Variants in ADCY2 observed in about 807,000 individuals in gnomAD.
The protein encoded by ADCY2 is adenylate cyclase 2, also known as adenylate cyclase type 2.
In ADCY2, 31 loss-of-function variants were observed where a neutral mutation model predicts 125.2. The observed-to-expected ratio is 0.25, with a 90% confidence interval of 0.19 to 0.33. ADCY2 has a LOEUF of 0.33. Ranked by LOEUF, ADCY2 falls within the 10% of genes least tolerant of loss-of-function variation. The pLI is 1.00. For missense variants in ADCY2, 904 were observed against 1,418.2 expected, an observed-to-expected ratio of 0.64 and a Z score of 5.82; for synonymous variants, 512 against 548.4, an observed-to-expected ratio of 0.93 and a Z score of 0.93.
intron 4 of ADCY2, among the ~76,000 whole-genome samples, chr5:7,686,128 G>C (rs1450953422): frequency 1.3e-5 from 2 of 152,126 alleles, no homozygotes; most frequent in Non-Finnish European, 2.9e-5. Flanking sequence ...TTACATGCAT[G>C]GTTTATTGAA....
At chr5:7,734,201 A>G (rs1387739436) in intron 14 of ADCY2, among the ~76,000 whole-genome samples, 1 of 152,242 alleles carries the variant, frequency 6.6e-6, no homozygotes, top group Admixed American at 6.5e-5. Context: ...GAAGTCAACC[A>G]GGAAAGAGTC....
At chr5:7,793,264 T>G (rs1300448563) in intron 20 of ADCY2, among the ~76,000 whole-genome samples, 2 of 152,104 alleles carry the variant, frequency 1.3e-5, no homozygotes, top group African/African-American at 4.8e-5. Context: ...CTGGCCAACA[T>G]AGTGAAACCC....
At chr5:7,513,588 T>G (rs543695745) in intron 2 of ADCY2, among the ~76,000 whole-genome samples, 1 of 152,346 alleles carries the variant, frequency 6.6e-6, no homozygotes, top group East Asian at 1.9e-4. Context: ...AAAACATTAC[T>G]TTGAACTTAG....
chr5:7,664,581 A>G (rs1739650501), intron 4 of ADCY2, among the ~76,000 whole-genome samples: 1 of 152,226 alleles, frequency 6.6e-6, no homozygotes, highest in Non-Finnish European at 1.5e-5. Context: ...GACCCTGTAT[A>G]TCATGACTTA....
At chr5:7,570,829 T>C (rs2126600212) in intron 3 of ADCY2, among the ~76,000 whole-genome samples, 1 of 152,286 alleles carries the variant, frequency 6.6e-6, no homozygotes, top group South Asian at 2.1e-4. Context: ...TCTGATGCTA[T>C]TTATTTGTGT....
intron 2 of ADCY2, among the ~76,000 whole-genome samples, chr5:7,505,249 A>G (rs1157206725): frequency 2.0e-5 from 3 of 152,220 alleles, no homozygotes; most frequent in Non-Finnish European, 4.4e-5. Context: ...TCATGATAGC[A>G]GTGATTGAAT....
chr5:7,649,842 T>C (rs1267221622), intron 4 of ADCY2, among the ~76,000 whole-genome samples: 1 of 152,052 alleles, frequency 6.6e-6, no homozygotes, highest in African/African-American at 2.4e-5. Flanking sequence ...TTCCCCCTCT[T>C]TACCCCTCTA....
intron 3 of ADCY2, among the ~76,000 whole-genome samples, chr5:7,587,573 G>A (rs774384241): frequency 1.3e-5 from 2 of 152,266 alleles, no homozygotes; most frequent in Middle Eastern, 3.4e-3. Flanking sequence ...GAACAGGTGG[G>A]ATTTATCTTT....
intron 2 of ADCY2, among the ~76,000 whole-genome samples, chr5:7,480,122 G>T (rs1209153626): frequency 6.6e-6 from 1 of 152,126 alleles, no homozygotes; most frequent in Non-Finnish European, 1.5e-5. Context: ...AACAGATGCT[G>T]GCAAGTTTAC....
In ADCY2 at chr5:7,828,946, G is replaced by A. The variant is rs371565415; in HGVS notation, c.*2075G>A. ...AACAGAGTCCCTCCCATTCCCCCAC[G>A]GGGTGCACCGAACTTGGGTTTGCGC... On this transcript the variant is annotated 3_prime_UTR_variant, in exon 25 of 25. Transcript: ENST00000338316. The A allele has an allele frequency of 1.2e-4, 19 of 152,264 alleles. No individual in the cohort carries two copies. The highest frequency in any genetic ancestry group is 3.9e-4 in the African/African-American group (16 of 41,414). The allele number at this position is 152,264 out of a possible 1,614,324, so 9.4% of individuals were successfully genotyped here.
intron 16 of ADCY2, among the ~76,000 whole-genome samples, chr5:7,762,567 C>T (rs1334105360): frequency 6.6e-6 from 1 of 152,328 alleles, no homozygotes; most frequent in South Asian, 2.1e-4. Context: ...GTCAGGAAGG[C>T]GACACCTTCT....
intron 3 of ADCY2, among the ~76,000 whole-genome samples, chr5:7,531,765 C>T (rs1734652821): frequency 6.6e-6 from 1 of 152,206 alleles, no homozygotes; most frequent in Admixed American, 6.5e-5. Context: ...CACTCTAAAT[C>T]CAAGATGATC....
chr5:7,771,918 T>G (rs1743567582), intron 17 of ADCY2, among the ~76,000 whole-genome samples: 1 of 152,212 alleles, frequency 6.6e-6, no homozygotes, highest in Non-Finnish European at 1.5e-5. Flanking sequence ...GTCTCTGTTC[T>G]AGGAATGCTG....
At chr5:7,666,430 G>T (rs1206026698) in intron 4 of ADCY2, among the ~76,000 whole-genome samples, 3 of 151,652 alleles carry the variant, frequency 2.0e-5, no homozygotes, top group African/African-American at 7.3e-5. Context: ...CACCACGCCC[G>T]GCTAATTTTT....
intron 10 of ADCY2, among the ~76,000 whole-genome samples, chr5:7,710,343 T>C (rs1001658621): frequency 5.9e-5 from 9 of 152,186 alleles, no homozygotes; most frequent in African/African-American, 1.9e-4. Flanking sequence ...ATCCGTAAGA[T>C]TGCACAAGTC....
At chr5:7,684,131 C>T (rs1311114148) in intron 4 of ADCY2, among the ~76,000 whole-genome samples, 1 of 152,224 alleles carries the variant, frequency 6.6e-6, no homozygotes, top group East Asian at 1.9e-4. Context: ...TCAGACTTGG[C>T]TCCCCTGTGG....
chr5:7,409,322 C>T (rs188354478), intron 1 of ADCY2, among the ~76,000 whole-genome samples: 26 of 152,290 alleles, frequency 1.7e-4, no homozygotes, highest in Middle Eastern at 6.8e-3. Context: ...ATCTGTACAA[C>T]AAACCCCCAG....
chr5:7,444,384 T>G (rs561973861), intron 2 of ADCY2, among the ~76,000 whole-genome samples: 167 of 152,090 alleles, frequency 1.1e-3, no homozygotes, highest in Non-Finnish European at 1.8e-3. Context: ...CAAAGTGCTG[T>G]GATTACAGGT....
intron 2 of ADCY2, among the ~76,000 whole-genome samples, chr5:7,440,830 T>G (rs2126398511): frequency 6.6e-6 from 1 of 152,230 alleles, no homozygotes; most frequent in Admixed American, 6.5e-5. Flanking sequence ...AAGAGCAGTG[T>G]GGCCCAAGAG....
Sources: allele counts gnomAD v4.1 joint callset (sites outside exome capture counted in the v4.1 genomes callset), GRCh38; gene constraint gnomAD v4.1.1; transcripts MANE v1.5; gene names NCBI Gene and HGNC (gene_info 2026-07-23, HGNC 2026-07-21).